The following ZYG11B variants were observed in gnomAD, a reference collection of about 807,000 sequenced individuals.
ZYG11B encodes the protein protein zyg-11 homolog B.
A neutral mutation model predicts 82.4 loss-of-function variants in ZYG11B; 36 were observed. The observed-to-expected ratio is 0.44, with a 90% CI of 0.33 to 0.58. The LOEUF (loss-of-function observed/expected upper bound fraction) is 0.58. ZYG11B is among the 20% of genes least tolerant of loss of function. The probability of loss-of-function intolerance (pLI) is 0.02; values close to 1 mark genes in which losing one functional copy is unlikely to be tolerated. For synonymous variants in ZYG11B, 303 were observed against 312.8 expected (o/e 0.97, Z 0.33); for missense variants, 552 against 895.6 (o/e 0.62, Z 4.90).
At chr1:52,817,296 C>T (rs1645233347) in intron 13 of ZYG11B, among the ~76,000 whole-genome samples, 1 of 152,276 alleles carries the variant, frequency 6.6e-6, no homozygotes, top group Admixed American at 6.5e-5. Flanking sequence ...ACCCAAAATT[C>T]TGTTGTTCAA....
chr1:52,800,333 AAATAT>A (rs1294252844), intron 8 of ZYG11B, among the ~76,000 whole-genome samples: 1 of 151,988 alleles, frequency 6.6e-6, no homozygotes, highest in African/African-American at 2.4e-5. Flanking sequence ...ACGTAACACT[AAATAT>A]AATATACATT....
intron 1 of ZYG11B, among the ~76,000 whole-genome samples, chr1:52,728,434 T>C (rs1195879054): frequency 6.6e-6 from 1 of 152,176 alleles, no homozygotes; most frequent in Non-Finnish European, 1.5e-5. Context: ...TTTGTAAAAC[T>C]TTTTGTAGAA....
At chr1:52,750,824 C>A (rs1644516288) in intron 1 of ZYG11B, among the ~76,000 whole-genome samples, 1 of 152,184 alleles carries the variant, frequency 6.6e-6, no homozygotes, top group African/African-American at 2.4e-5. Context: ...TGTCTCTGTA[C>A]ATTTACCTCT....
At chr1:52,779,645 C>T (rs1042806571) in intron 3 of ZYG11B, among the ~76,000 whole-genome samples, 5 of 152,242 alleles carry the variant, frequency 3.3e-5, no homozygotes, top group East Asian at 1.9e-4. Context: ...CATGCACCAC[C>T]GTGCTTGGCT....
At chr1:52,730,258 G>A (rs1349485118) in intron 1 of ZYG11B, among the ~76,000 whole-genome samples, 1 of 152,304 alleles carries the variant, frequency 6.6e-6, no homozygotes, top group South Asian at 2.1e-4. Flanking sequence ...GGAAATGACA[G>A]ATAGTAAAAT....
chr1:52,789,709 A>G (rs1644940363), intron 5 of ZYG11B, among the ~76,000 whole-genome samples: 1 of 152,132 alleles, frequency 6.6e-6, no homozygotes, highest in African/African-American at 2.4e-5. Context: ...TCTCTATCTC[A>G]AAAAATACAG....
chr1:52,780,294 CTG>C (rs1017223275), intron 4 of ZYG11B, among the ~76,000 whole-genome samples: 7 of 152,042 alleles, frequency 4.6e-5, no homozygotes, highest in African/African-American at 1.7e-4. Flanking sequence ...AAGTATATGA[CTG>C]GAATCAGGAC....
intron 4 of ZYG11B, among the ~76,000 whole-genome samples, chr1:52,784,353 GT>G (rs1217464843): frequency 1.3e-5 from 2 of 152,166 alleles, no homozygotes; most frequent in Non-Finnish European, 2.9e-5. Context: ...CAGGCTGGCA[GT>G]TTTCTTAGTG....
At position 52,821,784 on chromosome 1, in the gene ZYG11B, GTC is replaced by G; in HGVS notation, c.*159_*160del. The G allele has an allele frequency of 1.8e-6, 1 of 546,548 alleles. No individual in the cohort carries two copies. The highest frequency in any genetic ancestry group is 3.0e-6 in the Non-Finnish European group (1 of 329,332). The allele number at this position is 546,548 out of a possible 1,614,324, so 33.9% of individuals were successfully genotyped here. On this transcript the variant is annotated 3_prime_UTR_variant, in exon 14 of 14. Transcript: ENST00000294353. ...ATGTGTAGTACTGCCCATGTGAACAGTCTCTAATTTGTCTTGTGATTTTAAAC... is the reference window on the plus strand; with the variant it reads ...ATGTGTAGTACTGCCCATGTGAACAGTCTAATTTGTCTTGTGATTTTAAAC...
rs553060840 is a variant in ZYG11B, at chr1:52,770,917, G to C, written c.197-103G>C. 9.9e-4 allele frequency: 1,219 copies of C among 1,236,294 alleles called. 3 individuals are homozygous for C. Among genetic ancestry groups the C allele is most frequent in the Middle Eastern group, 1.5e-3 (6 of 3,886 alleles). The allele number at this position is 1,236,294 out of a possible 1,614,324, so 76.6% of individuals were successfully genotyped here. A position where few individuals can be genotyped will look rare whatever the true frequency, so the allele number is the denominator to read the frequency against. On this transcript the variant is annotated intron_variant, in intron 2 of 13. Transcript: ENST00000294353. Reference sequence around the variant, plus strand: ...TAAATGAATTGTGATTATCAGACGAGATACTGTTACATGGGAGCGCTTTGG... The same window carrying C: ...TAAATGAATTGTGATTATCAGACGACATACTGTTACATGGGAGCGCTTTGG...
chr1:52,741,321 A>T (rs11206001), intron 1 of ZYG11B, among the ~76,000 whole-genome samples: 54,318 of 124,288 alleles, frequency 0.44, 10,932 homozygotes, highest in East Asian at 0.55. Context: ...AAAAAAAAAG[A>T]AAAGAAAAGA....
intron 2 of ZYG11B, among the ~76,000 whole-genome samples, chr1:52,759,376 T>C (rs1644607359): frequency 6.6e-6 from 1 of 152,268 alleles, no homozygotes. Flanking sequence ...ATTTATTAAA[T>C]GCTTATTATT....
chr1:52,772,678 G>GTTTT, intron 3 of ZYG11B: 1 of 623,486 alleles, frequency 1.6e-6, no homozygotes, highest in Non-Finnish European at 2.9e-6. Context: ...CGAAAGGCTT[G>GTTTT]TTTTTTTTTT....
chr1:52,732,831 G>A (rs1006419417), intron 1 of ZYG11B, among the ~76,000 whole-genome samples: 8 of 151,970 alleles, frequency 5.3e-5, no homozygotes, highest in East Asian at 1.9e-4. Context: ...AAAATTAGCC[G>A]AGCGTGGTGG....
intron 1 of ZYG11B, among the ~76,000 whole-genome samples, chr1:52,753,074 C>A (rs1367053434): frequency 4.6e-5 from 7 of 152,104 alleles, no homozygotes; most frequent in Non-Finnish European, 1.0e-4. Flanking sequence ...TCTTGAACAC[C>A]TGACCTCATG....
chr1:52,777,904 A>G (rs962526680), intron 3 of ZYG11B, among the ~76,000 whole-genome samples: 4 of 152,202 alleles, frequency 2.6e-5, no homozygotes, highest in Non-Finnish European at 5.9e-5. Context: ...ATTTTTTAAA[A>G]CTTTATTGTA....
chr1:52,728,550 G>A (rs1644303686), intron 1 of ZYG11B, among the ~76,000 whole-genome samples: 1 of 152,210 alleles, frequency 6.6e-6, no homozygotes, highest in Admixed American at 6.5e-5. Context: ...GAGCCATCAC[G>A]CCTGGGCAGA....
intron 2 of ZYG11B, among the ~76,000 whole-genome samples, chr1:52,763,443 G>T (rs187972423): frequency 6.6e-6 from 1 of 151,990 alleles, no homozygotes; most frequent in Non-Finnish European, 1.5e-5. Flanking sequence ...GCAGGGTCTC[G>T]CTTTGTTACC....
intron 3 of ZYG11B, among the ~76,000 whole-genome samples, chr1:52,774,949 G>C (rs2149941149): frequency 6.6e-6 from 1 of 152,162 alleles, no homozygotes; most frequent in South Asian, 2.1e-4. Context: ...TTGAAAATCT[G>C]CTAAACCCAG....
Sources: allele counts gnomAD v4.1 joint callset (sites outside exome capture counted in the v4.1 genomes callset), GRCh38; gene constraint gnomAD v4.1.1; transcripts MANE v1.5; gene names NCBI Gene and HGNC (gene_info 2026-07-23, HGNC 2026-07-21).